Variants in ARHGAP29 observed in about 807,000 individuals in gnomAD.
The protein encoded by ARHGAP29 is Rho GTPase activating protein 29.
ARHGAP29 carries 43 observed loss-of-function variants against 122.6 expected under a neutral mutation model. The observed-to-expected ratio is 0.35, with a 90% CI of 0.27 to 0.45. The LOEUF is 0.45. ARHGAP29 is among the 20% of genes least tolerant of loss of function. The pLI is 1.00. For missense variants in ARHGAP29, 1,303 were observed against 1,477.2 expected (o/e 0.88, Z 1.93); for synonymous variants, 506 against 497.1 (o/e 1.02, Z -0.24).
intron 1 of ARHGAP29, among the ~76,000 whole-genome samples, chr1:94,235,319 A>G (rs1415376234): frequency 6.6e-6 from 1 of 152,174 alleles, no homozygotes; most frequent in East Asian, 1.9e-4. Flanking sequence ...CTACTTTCTC[A>G]TGCGCGAAAA....
the ARHGAP29 span, among the ~76,000 whole-genome samples, chr1:94,314,121 TAATAA>T: frequency 2.0e-4 from 31 of 152,288 alleles, no homozygotes; most frequent in Middle Eastern, 3.4e-3. Context: ...ACTTAAAGTA[TAATAA>T]AATAAAATAA....
chr1:94,238,133 T>C (rs1038320860), upstream of ARHGAP29, among the ~76,000 whole-genome samples: 5 of 140,776 alleles, frequency 3.6e-5, no homozygotes, highest in Admixed American at 3.8e-4. Context: ...TGATCTCGGC[T>C]CACTGCAACC....
chr1:94,220,228 A>G, intron 3 of ARHGAP29, 30 bp downstream of exon 3: 1 of 1,610,266 alleles, frequency 6.2e-7, no homozygotes, highest in Non-Finnish European at 8.5e-7. Flanking sequence ...TTTTGCCCAC[A>G]GCAACCCACT....
the ARHGAP29 span, among the ~76,000 whole-genome samples, chr1:94,291,078 C>A: frequency 6.6e-6 from 1 of 152,142 alleles, no homozygotes; most frequent in African/African-American, 2.4e-5. Flanking sequence ...TCTCTAAGGA[C>A]TTGCTTTATG....
chr1:94,204,597 T>C (rs1242537329), intron 7 of ARHGAP29, among the ~76,000 whole-genome samples: 3 of 152,238 alleles, frequency 2.0e-5, no homozygotes, highest in Admixed American at 6.5e-5. Flanking sequence ...AGCTGTAATA[T>C]AGGAAAAACA....
intron 3 of ARHGAP29, among the ~76,000 whole-genome samples, chr1:94,212,954 CT>C (rs995617784): frequency 3.3e-5 from 5 of 152,022 alleles, no homozygotes; most frequent in Admixed American, 6.5e-5. Context: ...GACATTTTTT[CT>C]TATGTTACTA....
At chr1:94,243,202 C>T (rs1226319245) in intron 1 of ARHGAP29, among the ~76,000 whole-genome samples, 1 of 145,896 alleles carries the variant, frequency 6.9e-6, no homozygotes, top group Non-Finnish European at 1.5e-5. Flanking sequence ...ATCAACTTGA[C>T]CTGATAGACA....
upstream of ARHGAP29, among the ~76,000 whole-genome samples, chr1:94,238,946 A>C (rs1312866359): frequency 1.3e-5 from 2 of 152,184 alleles, no homozygotes; most frequent in East Asian, 3.9e-4. Context: ...TTGGCTCCTC[A>C]GGTGCTACTT....
At chr1:94,253,918 G>A (rs1485550249) in intron 1 of ARHGAP29, among the ~76,000 whole-genome samples, 1 of 152,144 alleles carries the variant, frequency 6.6e-6, no homozygotes, top group African/African-American at 2.4e-5. Flanking sequence ...GTGACTGCTT[G>A]TAAAAGTTGG....
At chr1:94,201,094 A>G (rs1650812391) in intron 12 of ARHGAP29, among the ~76,000 whole-genome samples, 1 of 151,982 alleles carries the variant, frequency 6.6e-6, no homozygotes, top group East Asian at 1.9e-4. Context: ...TTTGTCTCCA[A>G]ATAATTTGGT....
intron 1 of ARHGAP29, among the ~76,000 whole-genome samples, chr1:94,253,892 G>A (rs768021469): frequency 1.3e-5 from 2 of 152,160 alleles, no homozygotes; most frequent in Non-Finnish European, 2.9e-5. Context: ...TGCCATGCTT[G>A]CCAGAGAATT....
chr1:94,184,220 C>T lies in ARHGAP29; in HGVS notation c.2178G>A (p.Met726Ile), dbSNP rs375929219. Residue 726 changes from methionine to isoleucine, a missense_variant, in exon 19 of 23, where the codon ATG becomes ATA. Physicochemically the swap from Met to Ile is conservative, Grantham distance 10. This residue lies in a region of ARHGAP29 where 620 missense variants were observed against 651.2 expected (regional missense o/e 0.95). Coordinates refer to ENST00000260526, the MANE Select transcript of ARHGAP29 (RefSeq NM_004815.4). ...EKLCQALENG[M>I]HLVDISEFSS... ...TAAATTCTGAAATATCTACCAAGTG[C>T]ATTCCATTTTCCAAAGCTTGACACA... is the stretch of plus-strand genomic sequence containing the variant. 2.7e-5 allele frequency: 44 copies of T among 1,612,174 alleles called. No individual in the cohort carries two copies. In the African/African-American group the frequency reaches 2.9e-4, roughly 11 times the overall value.
chr1:94,189,840 A>G lies in ARHGAP29; in HGVS notation c.1439+86T>C. ...GAAAATTTTTAATTTTGTCAGTTAG[A>G]AAAGTCTCCTCCTTGTACTAGATAG... is the stretch of plus-strand genomic sequence containing the variant. On this transcript the variant is annotated intron_variant, in intron 13 of 22. Transcript: ENST00000260526. 4 of 1,349,502 alleles carry G rather than the reference A, an allele frequency of 3.0e-6. No individual in the cohort carries two copies. In the South Asian group the frequency reaches 5.4e-5, roughly 18 times the overall value. The allele number at this position is 1,349,502 out of a possible 1,614,324, so 83.6% of individuals were successfully genotyped here.
At chr1:94,290,673 G>C in the ARHGAP29 span, among the ~76,000 whole-genome samples, 1 of 152,068 alleles carries the variant, frequency 6.6e-6, no homozygotes, top group Non-Finnish European at 1.5e-5. Flanking sequence ...CCTTCATTTC[G>C]TCACTTACCC....
intron 18 of ARHGAP29, among the ~76,000 whole-genome samples, chr1:94,184,590 T>C (rs7552886): frequency 2.1e-5 from 3 of 141,390 alleles, no homozygotes; most frequent in Non-Finnish European, 4.8e-5. Flanking sequence ...CAGAAAAAAA[T>C]TTTTTTTTTT....
the ARHGAP29 span, among the ~76,000 whole-genome samples, chr1:94,292,305 C>T: frequency 1.6e-4 from 25 of 152,286 alleles, no homozygotes; most frequent in Admixed American, 4.6e-4. Context: ...AGCTCCATCA[C>T]GTCATTTAAG....
At chr1:94,211,287 C>CAAAAAAAAAAAAAAA (rs71094285) in intron 3 of ARHGAP29, among the ~76,000 whole-genome samples, 2 of 35,996 alleles carry the variant, frequency 5.6e-5, no homozygotes, top group Non-Finnish European at 9.4e-5. Flanking sequence ...GCTCTGGCTC[C>CAAAAAAAAAAAAAAA]AAAAAAAAAA....
Position 94,205,179 on chromosome 1 carries a change from T to A in ARHGAP29, c.579A>T (p.Glu193Asp). 3 of 1,588,886 alleles carry A rather than the reference T, an allele frequency of 1.9e-6. No homozygotes were observed. The highest frequency in any genetic ancestry group is 2.6e-6 in the Non-Finnish European group (3 of 1,171,766). Residue 193 changes from glutamate to aspartate, a missense_variant, in exon 7 of 23, where the codon GAA (glutamate) becomes GAT (aspartate). Glu to Asp is a conservative substitution (Grantham distance 45). Transcript: ENST00000260526. ...TGTTCTTTAACAGCACGTTGTCTAG[T>A]TCTAAAGGGGAAAAATTTCCTGAAA... ...SSEKGNFSPLELDNVLLKNTD... is the reference protein window; with the variant it reads ...SSEKGNFSPLDLDNVLLKNTD...
At chr1:94,248,373 A>G in intron 1 of ARHGAP29, among the ~76,000 whole-genome samples, 1 of 152,238 alleles carries the variant, frequency 6.6e-6, no homozygotes, top group East Asian at 1.9e-4. Context: ...AGCCGCAACC[A>G]AAATAAAACA....
Sources: allele counts gnomAD v4.1 joint callset (sites outside exome capture counted in the v4.1 genomes callset), GRCh38; gene constraint gnomAD v4.1.1; regional missense constraint gnomAD v4.1.1; transcripts MANE v1.5; gene names NCBI Gene and HGNC (gene_info 2026-07-23, HGNC 2026-07-21).